The following NELL1 variants were observed in gnomAD, a reference collection of about 807,000 sequenced individuals.
The protein encoded by NELL1 is neural EGFL like 1.
NELL1 carries 76 observed loss-of-function variants against 107.4 expected under a neutral mutation model. That is an observed-to-expected ratio of 0.71 (90% CI 0.59 to 0.86). The LOEUF is 0.86. Ranked by LOEUF, NELL1 falls within the 40% of genes least tolerant of loss-of-function variation. NELL1 has a pLI of 0.00. For missense variants in NELL1, 1,024 were observed against 1,005.5 expected, an observed-to-expected ratio of 1.02 and a Z score of -0.25; for synonymous variants, 353 against 341.2, an observed-to-expected ratio of 1.03 and a Z score of -0.38.
chr11:20,704,236 T>G (rs1222498090), intron 2 of NELL1, among the ~76,000 whole-genome samples: 1 of 152,260 alleles, frequency 6.6e-6, no homozygotes, highest in Admixed American at 6.5e-5. Context: ...TCTTGTTGAA[T>G]TGATCCCTTT....
chr11:21,441,332 TGTGTGTG>T (rs1564895255), intron 15 of NELL1, among the ~76,000 whole-genome samples: 10,895 of 104,124 alleles, frequency 0.1, 876 homozygotes, highest in African/African-American at 0.18. Context: ...GGCTGTGACG[TGTGTGTG>T]TGTGTGTGTG....
chr11:21,366,558 G>A (rs757219198), intron 14 of NELL1, among the ~76,000 whole-genome samples: 4 of 152,018 alleles, frequency 2.6e-5, no homozygotes, highest in South Asian at 2.1e-4. Flanking sequence ...TTGTCGCATC[G>A]AAGCACATAG....
chr11:20,768,371 C>G (rs530269269), intron 2 of NELL1, among the ~76,000 whole-genome samples: 2 of 152,256 alleles, frequency 1.3e-5, no homozygotes, highest in Non-Finnish European at 2.9e-5. Flanking sequence ...CAAGGATGGC[C>G]CATGTGGGTG....
At chr11:21,117,301 G>A (rs896756163) in intron 13 of NELL1, among the ~76,000 whole-genome samples, 8 of 152,036 alleles carry the variant, frequency 5.3e-5, no homozygotes, top group African/African-American at 1.9e-4. Context: ...ATGTATAAAT[G>A]ATTCTTTTAT....
At chr11:21,212,062 G>A (rs1857509470) in intron 13 of NELL1, among the ~76,000 whole-genome samples, 1 of 152,096 alleles carries the variant, frequency 6.6e-6, no homozygotes, top group Non-Finnish European at 1.5e-5. Flanking sequence ...CTGACCTCAA[G>A]TTATCCACCC....
At chr11:21,032,605 G>T (rs919739965) in intron 12 of NELL1, among the ~76,000 whole-genome samples, 2 of 152,098 alleles carry the variant, frequency 1.3e-5, no homozygotes, top group African/African-American at 4.8e-5. Context: ...GGCCAGGCTG[G>T]TCTCAAACTC....
At chr11:20,866,746 T>C (rs555999678) in intron 4 of NELL1, among the ~76,000 whole-genome samples, 1 of 152,344 alleles carries the variant, frequency 6.6e-6, no homozygotes, top group South Asian at 2.1e-4. Flanking sequence ...TCATCTTCTT[T>C]TATTGTCTTT....
chr11:21,152,265 A>T (rs1404194891), intron 13 of NELL1, among the ~76,000 whole-genome samples: 3 of 152,178 alleles, frequency 2.0e-5, no homozygotes. Flanking sequence ...TGTACTTTTA[A>T]TCTATTTCCT....
intron 15 of NELL1, among the ~76,000 whole-genome samples, chr11:21,530,310 T>C (rs1855961455): frequency 1.3e-5 from 2 of 152,162 alleles, no homozygotes; most frequent in Non-Finnish European, 2.9e-5. Flanking sequence ...TTATTGGTTT[T>C]ATAAATTGTC....
At chr11:21,136,049 G>A (rs1450865919) in intron 13 of NELL1, among the ~76,000 whole-genome samples, 1 of 152,162 alleles carries the variant, frequency 6.6e-6, no homozygotes, top group Non-Finnish European at 1.5e-5. Context: ...AACCAAAACA[G>A]GGTAAAGGAT....
chr11:21,420,943 A>C (rs909564470), intron 15 of NELL1, among the ~76,000 whole-genome samples: 16 of 152,164 alleles, frequency 1.1e-4, no homozygotes, highest in African/African-American at 2.9e-4. Context: ...TTGAATATTC[A>C]GCAACAAAAT....
intron 2 of NELL1, among the ~76,000 whole-genome samples, chr11:20,771,654 G>C (rs1856643612): frequency 6.6e-6 from 1 of 152,202 alleles, no homozygotes; most frequent in Non-Finnish European, 1.5e-5. Flanking sequence ...GTATCATAGA[G>C]AGGGGATGCC....
intron 14 of NELL1, among the ~76,000 whole-genome samples, chr11:21,277,340 T>C (rs1313587843): frequency 1.6e-4 from 24 of 150,348 alleles, no homozygotes; most frequent in African/African-American, 4.4e-4. Context: ...AAATCAAAAC[T>C]ACAATGAGAT....
intron 14 of NELL1, among the ~76,000 whole-genome samples, chr11:21,294,162 G>A (rs1206263354): frequency 6.6e-6 from 1 of 152,054 alleles, no homozygotes; most frequent in Admixed American, 6.6e-5. Context: ...TTAATCAGAG[G>A]CAACTGTTAT....
At chr11:21,064,812 G>C (rs143226614) in intron 12 of NELL1, among the ~76,000 whole-genome samples, 1 of 152,158 alleles carries the variant, frequency 6.6e-6, no homozygotes, top group African/African-American at 2.4e-5. Flanking sequence ...TAACAATTTT[G>C]CTATAAAAAT....
chr11:20,911,589 C>T (rs894459695), intron 5 of NELL1, among the ~76,000 whole-genome samples: 2 of 152,116 alleles, frequency 1.3e-5, no homozygotes, highest in African/African-American at 4.8e-5. Flanking sequence ...CACCAAGTAC[C>T]ATCAGGAGAC....
At chr11:21,120,124 G>C (rs1855331361) in intron 13 of NELL1, among the ~76,000 whole-genome samples, 1 of 152,154 alleles carries the variant, frequency 6.6e-6, no homozygotes, top group Non-Finnish European at 1.5e-5. Flanking sequence ...CTTAAAGGAA[G>C]TTTATGTTTG....
intron 4 of NELL1, among the ~76,000 whole-genome samples, chr11:20,876,966 C>G (rs2134095339): frequency 6.6e-6 from 1 of 152,156 alleles, no homozygotes; most frequent in East Asian, 1.9e-4. Context: ...TAGTGGGGCT[C>G]AAGAAAGTTA....
At chr11:21,307,894 T>A (rs1353874308) in intron 14 of NELL1, among the ~76,000 whole-genome samples, 2 of 152,052 alleles carry the variant, frequency 1.3e-5, no homozygotes, top group Non-Finnish European at 2.9e-5. Flanking sequence ...GTTAATTTTT[T>A]AAAAATTATT....
Sources: allele counts gnomAD v4.1 joint callset (sites outside exome capture counted in the v4.1 genomes callset), GRCh38; gene constraint gnomAD v4.1.1; transcripts MANE v1.5; gene names NCBI Gene and HGNC (gene_info 2026-07-23, HGNC 2026-07-21).